CCDC192: variants seen among roughly 807,000 people sequenced by gnomAD.
CCDC192 encodes coiled-coil domain containing 192, also known as coiled-coil domain-containing protein 192.
In CCDC192 at chr5:127,911,326, G is replaced by C. The variant is rs1753339845; in HGVS notation, c.536-29856G>C. Among the ~76,000 whole-genome samples, 3 of 152,302 alleles carry C rather than the reference G, an allele frequency of 2.0e-5. 1 individual carries two copies. The highest frequency in any genetic ancestry group is 4.4e-5 in the Non-Finnish European group (3 of 68,020). Reference sequence around the variant, plus strand: ...AGACATGTAGACAGGCAAACACTAAGATTAATGCGGGGTGTTATGATGGCT... The same window carrying C: ...AGACATGTAGACAGGCAAACACTAACATTAATGCGGGGTGTTATGATGGCT... On this transcript the variant is annotated intron_variant, in intron 6 of 6. Coordinates refer to ENST00000514853, the MANE Select transcript of CCDC192 (RefSeq NM_001317938.2).
intron 5 of CCDC192, among the ~76,000 whole-genome samples, chr5:127,824,823 G>C (rs776085776): frequency 3.9e-5 from 6 of 152,116 alleles, no homozygotes; most frequent in African/African-American, 7.2e-5. Flanking sequence ...AAGTCACAGA[G>C]CTCCTTAGGA....
chr5:127,892,545 A>G (rs895161590), intron 6 of CCDC192, among the ~76,000 whole-genome samples: 2 of 152,242 alleles, frequency 1.3e-5, no homozygotes, highest in African/African-American at 4.8e-5. Flanking sequence ...TCAGAAGTGC[A>G]TATGTACATT....
At chr5:127,756,163 T>C (rs1358521463) in intron 3 of CCDC192, among the ~76,000 whole-genome samples, 1 of 152,126 alleles carries the variant, frequency 6.6e-6, no homozygotes, top group African/African-American at 2.4e-5. Context: ...CACATTATTT[T>C]TGTTCTTGAT....
chr5:127,825,159 A>C (rs1201176971), intron 5 of CCDC192, among the ~76,000 whole-genome samples: 1 of 152,260 alleles, frequency 6.6e-6, no homozygotes, highest in East Asian at 1.9e-4. Flanking sequence ...AAAAGGTTTG[A>C]GAATAGCATT....
intron 5 of CCDC192, among the ~76,000 whole-genome samples, chr5:127,859,763 T>C (rs1396175002): frequency 1.3e-5 from 2 of 152,228 alleles, no homozygotes; most frequent in East Asian, 3.8e-4. Context: ...CATCTCTTCA[T>C]TTCTGTGGAT....
At chr5:127,750,436 C>T (rs1294316939) in intron 2 of CCDC192, among the ~76,000 whole-genome samples, 5 of 152,022 alleles carry the variant, frequency 3.3e-5, no homozygotes, top group African/African-American at 9.7e-5. Context: ...GAGTGAGATT[C>T]TTAATCCTGA....
intron 5 of CCDC192, among the ~76,000 whole-genome samples, chr5:127,851,814 A>G (rs756258758): frequency 3.0e-4 from 45 of 152,198 alleles, no homozygotes; most frequent in Non-Finnish European, 7.3e-5. Flanking sequence ...ACACTTGAAC[A>G]TGGTTACATC....
intron 5 of CCDC192, among the ~76,000 whole-genome samples, chr5:127,834,665 G>C (rs562040898): frequency 9.9e-5 from 15 of 152,260 alleles, no homozygotes; most frequent in Admixed American, 9.2e-4. Flanking sequence ...TTTTTAAAGG[G>C]AGCAACTGTT....
chr5:127,888,972 T>A (rs1161479180), intron 6 of CCDC192, among the ~76,000 whole-genome samples: 1 of 151,346 alleles, frequency 6.6e-6, no homozygotes, highest in Non-Finnish European at 1.5e-5. Context: ...GTTTTTGATC[T>A]GAAGCCAAAG....
At chr5:127,815,710 A>G (rs189111237) in intron 5 of CCDC192, among the ~76,000 whole-genome samples, 2 of 152,202 alleles carry the variant, frequency 1.3e-5, no homozygotes, top group Admixed American at 1.3e-4. Context: ...TACTAAAAAT[A>G]CAAAAAAATT....
At chr5:127,839,495 C>A (rs1750185768) in intron 5 of CCDC192, among the ~76,000 whole-genome samples, 1 of 152,130 alleles carries the variant, frequency 6.6e-6, no homozygotes, top group Admixed American at 6.5e-5. Context: ...ATTTATAATT[C>A]TTTCTTAAAT....
At position 127,764,403 on chromosome 5, in the gene CCDC192, A is replaced by T. The variant is rs151134600; in HGVS notation, c.222+10028A>T. ...ATGTAGAAGTTGAAGGGAAAGTAGG[A>T]TTCAAGACAGATCCCAAGTTTCAGG... is the stretch of plus-strand genomic sequence containing the variant. On this transcript the variant is annotated intron_variant, in intron 3 of 6. Coordinates refer to ENST00000514853, the MANE Select transcript of CCDC192 (RefSeq NM_001317938.2). 2.4e-3 allele frequency among the ~76,000 whole-genome samples: 360 copies of T among 152,348 alleles called. No individual in the cohort carries two copies. In the Middle Eastern group the frequency reaches 0.031, roughly 13 times the overall value.
chr5:127,764,455 C>A (rs1755103855), intron 3 of CCDC192, among the ~76,000 whole-genome samples: 1 of 152,214 alleles, frequency 6.6e-6, no homozygotes, highest in Admixed American at 6.5e-5. Flanking sequence ...GGTTACCCAA[C>A]TATCTTATGT....
chr5:127,727,654 C>T (rs542107410), intron 2 of CCDC192, among the ~76,000 whole-genome samples: 5 of 152,236 alleles, frequency 3.3e-5, no homozygotes, highest in African/African-American at 9.6e-5. Context: ...GATCACAACA[C>T]CTCTCCAGCA....
At chr5:127,714,493 ATTCTCCTGCC>A (rs1310427298) in intron 2 of CCDC192, among the ~76,000 whole-genome samples, 3 of 152,074 alleles carry the variant, frequency 2.0e-5, no homozygotes, top group African/African-American at 7.2e-5. Flanking sequence ...GATTCAAGTG[ATTCTCCTGCC>A]TTAGCCTCCT....
At chr5:127,865,951 C>T (rs933190740) in intron 5 of CCDC192, among the ~76,000 whole-genome samples, 1 of 152,004 alleles carries the variant, frequency 6.6e-6, no homozygotes, top group Admixed American at 6.6e-5. Flanking sequence ...CATTTGCTGT[C>T]CCCTCTGAGC....
rs759664529 is a variant in CCDC192 at position 127,718,205 on chromosome 5, AG to A, written c.114+10447del. ...ATAGTGCAAATGTATAAGAAAAAAA[AG>A]GTCCTGTCTTCATGCAAATGTGTTC... On this transcript the variant is annotated intron_variant, in intron 2 of 6. Coordinates refer to ENST00000514853, the MANE Select transcript of CCDC192 (RefSeq NM_001317938.2). Among the ~76,000 whole-genome samples the A allele has an allele frequency of 1.4e-4, 21 of 152,336 alleles. No individual in the cohort carries two copies. The South Asian group carries it at 2.3e-3, about 17-fold the overall frequency.
At chr5:127,752,591 G>A (rs1754264858) in intron 2 of CCDC192, among the ~76,000 whole-genome samples, 1 of 152,232 alleles carries the variant, frequency 6.6e-6, no homozygotes. Context: ...GCCCCCAGAG[G>A]TGGAGCCTAC....
intron 5 of CCDC192, among the ~76,000 whole-genome samples, chr5:127,842,547 T>C (rs192477386): frequency 7.4e-4 from 112 of 152,322 alleles, no homozygotes; most frequent in African/African-American, 2.6e-3. Context: ...GAACAAAAGG[T>C]ACCTGGACTT....
Sources: allele counts gnomAD v4.1 joint callset (sites outside exome capture counted in the v4.1 genomes callset), GRCh38; gene constraint gnomAD v4.1.1; transcripts MANE v1.5; gene names NCBI Gene and HGNC (gene_info 2026-07-23, HGNC 2026-07-21).